The following MTUS1 variants were observed in gnomAD, a reference collection of about 807,000 sequenced individuals.
MTUS1 encodes microtubule-associated tumor suppressor 1.
MTUS1 carries 109 observed loss-of-function variants against 120.8 expected under a neutral mutation model. The ratio of observed to expected loss-of-function variants is 0.90; its 90% CI spans 0.77 to 1.06. The LOEUF (loss-of-function observed/expected upper bound fraction) is 1.06. Ranked by LOEUF, MTUS1 falls within the 50% of genes least tolerant of loss-of-function variation. The pLI is 0.00. For synonymous variants in MTUS1, 737 were observed against 550.5 expected (o/e 1.34, Z -4.74); for missense variants, 2,210 against 1,486.3 (o/e 1.49, Z -8.01).
intron 2 of MTUS1, among the ~76,000 whole-genome samples, chr8:17,749,424 C>T (rs376327048): frequency 4.0e-5 from 6 of 151,880 alleles, no homozygotes; most frequent in Admixed American, 2.0e-4. Context: ...TTTGAGAAGC[C>T]GAGGTGGGCA....
rs185786950 is a variant in MTUS1 at position 17,679,749 on chromosome 8, C to T, written c.2839-4497G>A. On this transcript the variant is annotated intron_variant, in intron 7 of 14. Coordinates refer to ENST00000693296, the MANE Select transcript of MTUS1 (RefSeq NM_001363059.2). Reference sequence around the variant, plus strand: ...AACTCTGGACCTCAAGCGATCCACCCGCCTCAGCCTCCCAAAGTGCTGGGA... The same window carrying T: ...AACTCTGGACCTCAAGCGATCCACCTGCCTCAGCCTCCCAAAGTGCTGGGA... 7.0e-3 allele frequency among the ~76,000 whole-genome samples: 1,068 copies of T among 152,184 alleles called. 3 individuals carry two copies. Among genetic ancestry groups the T allele is most frequent in the Non-Finnish European group, 0.011 (753 of 67,998 alleles).
chr8:17,785,590 A>G (rs2051236961), intron 1 of MTUS1, among the ~76,000 whole-genome samples: 1 of 152,248 alleles, frequency 6.6e-6, no homozygotes, highest in Non-Finnish European at 1.5e-5. Context: ...ACTGCAGCAT[A>G]AAGAACATTC....
chr8:17,720,823 C>T (rs931795919), intron 4 of MTUS1, among the ~76,000 whole-genome samples: 6 of 152,168 alleles, frequency 3.9e-5, no homozygotes, highest in Non-Finnish European at 8.8e-5. Flanking sequence ...TAAATGAGCA[C>T]ATTTGGTATA....
At chr8:17,779,721 TCA>T (rs926249974) in intron 1 of MTUS1, among the ~76,000 whole-genome samples, 1 of 152,244 alleles carries the variant, frequency 6.6e-6, no homozygotes, top group Non-Finnish European at 1.5e-5. Flanking sequence ...CCTCCTAAAC[TCA>T]CAGACTTCTC....
intron 12 of MTUS1, among the ~76,000 whole-genome samples, chr8:17,652,764 A>T (rs570054926): frequency 6.6e-6 from 1 of 151,554 alleles, no homozygotes; most frequent in African/African-American, 2.4e-5. Context: ...TGAACCCAGG[A>T]GGTGGACGTT....
At chr8:17,665,185 A>T (rs1810635366) in intron 8 of MTUS1, among the ~76,000 whole-genome samples, 2 of 152,206 alleles carry the variant, frequency 1.3e-5, no homozygotes, top group Admixed American at 1.3e-4. Context: ...CAAGTGGTAG[A>T]CCAGGTTCTT....
intron 1 of MTUS1, among the ~76,000 whole-genome samples, chr8:17,788,093 C>G (rs551225347): frequency 6.6e-6 from 1 of 152,250 alleles, no homozygotes; most frequent in East Asian, 1.9e-4. Flanking sequence ...TGCACTCCAG[C>G]CTGGGCAACA....
At chr8:17,654,289 A>G in intron 10 of MTUS1, 1 of 477,368 alleles carries the variant, frequency 2.1e-6, no homozygotes, top group South Asian at 3.1e-5. Context: ...CAGGGACCTA[A>G]GCTGGCAACC....
At chr8:17,681,717 G>T (rs1454076543) in intron 7 of MTUS1, 2 of 154,682 alleles carry the variant, frequency 1.3e-5, no homozygotes, top group Non-Finnish European at 2.9e-5. Flanking sequence ...ATCTGGGCAT[G>T]ATAATAACAT....
At chr8:17,704,946 T>A (rs983607486) in intron 6 of MTUS1, among the ~76,000 whole-genome samples, 1 of 152,238 alleles carries the variant, frequency 6.6e-6, no homozygotes, top group African/African-American at 2.4e-5. Context: ...TAACCTCAGT[T>A]TGTTCTTTGC....
At chr8:17,724,277 A>G (rs926298280) in intron 3 of MTUS1, 13 of 241,926 alleles carry the variant, frequency 5.4e-5, no homozygotes, top group Admixed American at 1.7e-4. Flanking sequence ...CCAAGTCCAA[A>G]TACATCTTTG....
intron 1 of MTUS1, among the ~76,000 whole-genome samples, chr8:17,778,449 T>C (rs977068149): frequency 8.5e-5 from 13 of 152,330 alleles, no homozygotes; most frequent in African/African-American, 3.1e-4. Context: ...TACAGGTGTT[T>C]GTCAAAATTC....
rs56287929 is a variant in MTUS1 at position 17,769,881 on chromosome 8, TACACACACACACACACAC to T, written c.-154-13938_-154-13921del. Among the ~76,000 whole-genome samples, 608 of 99,626 alleles carry T rather than the reference TACACACACACACACACAC, an allele frequency of 6.1e-3. 7 individuals carry two copies. The highest frequency in any genetic ancestry group is 0.02 in the African/African-American group (531 of 26,736). The allele number at this position is 99,626 out of a possible 152,430, so 65.4% of individuals were successfully genotyped here. On this transcript the variant is annotated intron_variant, in intron 1 of 14. Transcript: ENST00000693296. ...CTGACCCACTGCCACACTCTTTGCTTACACACACACACACACACACACACACACACACACACACACACA... is the reference window on the plus strand; with the variant it reads ...CTGACCCACTGCCACACTCTTTGCTTACACACACACACACACACACACACA...
In MTUS1 at chr8:17,684,918, G is replaced by A. The variant is rs1480456395; in HGVS notation, c.2624-376C>T. Among the ~76,000 whole-genome samples, 3 of 152,234 alleles carry A rather than the reference G, an allele frequency of 2.0e-5. No homozygotes were observed. In the East Asian group the frequency reaches 5.8e-4, roughly 29 times the overall value. On this transcript the variant is annotated intron_variant, in intron 6 of 14. Coordinates refer to ENST00000693296, the MANE Select transcript of MTUS1 (RefSeq NM_001363059.2). ...AAGCCTGACTTTTCTGATCTCATAT[G>A]CTGAAAGGAACACACAAATCACTGG...
At chr8:17,690,680 C>T (rs888385213) in intron 6 of MTUS1, among the ~76,000 whole-genome samples, 3 of 152,054 alleles carry the variant, frequency 2.0e-5, no homozygotes, top group Admixed American at 2.0e-4. Flanking sequence ...ACTAAACTGT[C>T]GACAAGCAAT....
At chr8:17,684,263 G>GC in intron 7 of MTUS1, 65 bp downstream of exon 7, 2 of 1,180,320 alleles carry the variant, frequency 1.7e-6, no homozygotes, top group Non-Finnish European at 2.5e-6. Flanking sequence ...CAGCGTGTGA[G>GC]CAAGTCCTCC....
At chr8:17,678,625 C>G (rs1054864139) in intron 7 of MTUS1, among the ~76,000 whole-genome samples, 13 of 152,168 alleles carry the variant, frequency 8.5e-5, no homozygotes, top group African/African-American at 3.1e-4. Flanking sequence ...GACCTCCTCC[C>G]CATCACCCAC....
chr8:17,682,133 G>C (rs555439978), intron 7 of MTUS1, among the ~76,000 whole-genome samples: 1 of 152,152 alleles, frequency 6.6e-6, no homozygotes, highest in Non-Finnish European at 1.5e-5. Flanking sequence ...AATCAGCAGC[G>C]TGGGATGCTT....
intron 1 of MTUS1, among the ~76,000 whole-genome samples, chr8:17,769,542 T>G (rs1473864304): frequency 6.6e-6 from 1 of 151,118 alleles, no homozygotes; most frequent in Non-Finnish European, 1.5e-5. Context: ...AGAGACGGGA[T>G]TTCACCGCGT....
Sources: gnomAD v4.1 joint callset for allele counts (sites outside exome capture counted in the v4.1 genomes callset) on GRCh38, gnomAD v4.1.1 for gene constraint, MANE v1.5 for transcripts, NCBI Gene and HGNC (gene_info 2026-07-23, HGNC 2026-07-21) for gene names.